AXL: variants seen among roughly 807,000 people sequenced by gnomAD.
AXL encodes the protein AXL receptor tyrosine kinase.
A neutral mutation model predicts 104.5 loss-of-function variants in AXL; 52 were observed. The observed-to-expected ratio is 0.50, with a 90% confidence interval of 0.40 to 0.63. The LOEUF (loss-of-function observed/expected upper bound fraction) is 0.63. Among genes scored for constraint, AXL ranks in the 20% least tolerant of loss-of-function variants. The probability of loss-of-function intolerance (pLI) is 0.00; values close to 1 mark genes in which losing one functional copy is unlikely to be tolerated. For missense variants in AXL, 1,024 were observed against 1,188.5 expected, an observed-to-expected ratio of 0.86 and a Z score of 2.04; for synonymous variants, 455 against 473.7, an observed-to-expected ratio of 0.96 and a Z score of 0.51.
chr19:41,228,386 C>A (rs1352992842), intron 4 of AXL, among the ~76,000 whole-genome samples: 3 of 152,024 alleles, frequency 2.0e-5, no homozygotes, highest in African/African-American at 7.3e-5. Flanking sequence ...AACCCTATCT[C>A]TACTAAAAAT....
At chr19:41,243,362 G>A (rs2034216325) in intron 11 of AXL, among the ~76,000 whole-genome samples, 1 of 152,194 alleles carries the variant, frequency 6.6e-6, no homozygotes, top group Non-Finnish European at 1.5e-5. Flanking sequence ...GGAGGCTACA[G>A]TGAGCTGAGA....
chr19:41,235,424 T>C (rs1025013390), intron 6 of AXL, among the ~76,000 whole-genome samples: 2 of 151,510 alleles, frequency 1.3e-5, no homozygotes, highest in African/African-American at 4.9e-5. Flanking sequence ...TAAATGACAG[T>C]ATGCACAAGC....
intron 6 of AXL, among the ~76,000 whole-genome samples, chr19:41,236,375 G>A (rs956935425): frequency 8.1e-5 from 12 of 148,720 alleles, no homozygotes; most frequent in Middle Eastern, 3.6e-3. Context: ...GGTTGCTCAC[G>A]CCTGTAATCC....
At chr19:41,252,774 G>A in intron 15 of AXL, 72 bp from the exon 16 acceptor site, 1 of 1,601,658 alleles carries the variant, frequency 6.2e-7, no homozygotes, top group Non-Finnish European at 8.5e-7. Context: ...GGAGAGGCTG[G>A]AGGCTGGCTG....
At chr19:41,244,399 A>C (rs1020729604) in intron 12 of AXL, among the ~76,000 whole-genome samples, 4 of 152,136 alleles carry the variant, frequency 2.6e-5, no homozygotes, top group Non-Finnish European at 5.9e-5. Flanking sequence ...CCTATGTGGC[A>C]GGCTCTGTTC....
rs368373327 is a variant in AXL, at chr19:41,248,740, C to T, written c.1634-3C>T. ...GTCAGTGTCTCCCTCTGGCCCCCCA[C>T]AGGAGAGTTTGGAGCTGTGATGGAA... On this transcript the variant is annotated splice_region_variant and splice_polypyrimidine_tract_variant and intron_variant, in intron 13 of 19. Transcript: ENST00000301178. 6.2e-7 allele frequency: 1 copy of T among 1,614,022 alleles called. No homozygotes were observed. Among genetic ancestry groups the T allele is most frequent in the African/African-American group, 1.3e-5 (1 of 74,922 alleles).
intron 12 of AXL, among the ~76,000 whole-genome samples, chr19:41,245,548 C>A (rs1330500012): frequency 1.3e-5 from 2 of 152,054 alleles, no homozygotes; most frequent in Admixed American, 1.3e-4. Context: ...CATGGCGAGA[C>A]CCTGTCTCTA....
chr19:41,257,942 T>C (rs1258842934), intron 19 of AXL, among the ~76,000 whole-genome samples: 1 of 152,234 alleles, frequency 6.6e-6, no homozygotes, highest in East Asian at 1.9e-4. Flanking sequence ...CTTTGGGACA[T>C]GCACTCCCAG....
In AXL at chr19:41,227,708, T is replaced by C. The variant is rs567138594; in HGVS notation, c.587-3259T>C. 3.3e-5 allele frequency among the ~76,000 whole-genome samples: 5 copies of C among 152,152 alleles called. No individual in the cohort carries two copies. In the South Asian group the frequency reaches 1.0e-3, roughly 32 times the overall value. On this transcript the variant is annotated intron_variant, in intron 4 of 19. Coordinates refer to ENST00000301178, the MANE Select transcript of AXL (RefSeq NM_021913.5). ...TTCACTGTGTTGCCCAGGCTTGTCTTAAACTCCTAATCTCAAGTGATCCAC... is the reference window on the plus strand; with the variant it reads ...TTCACTGTGTTGCCCAGGCTTGTCTCAAACTCCTAATCTCAAGTGATCCAC...
chr19:41,259,700 T>G lies in AXL; in HGVS notation c.2481T>G (p.Gly827=). 6.2e-7 allele frequency: 1 copy of G among 1,613,932 alleles called. No individual in the cohort carries two copies. The highest frequency in any genetic ancestry group is 1.1e-5 in the South Asian group (1 of 91,060). ...TCCTCTATGTCAACATGGATGAGGG[T>G]GGAGGTTATCCTGAACCCCCTGGAG... is the stretch of plus-strand genomic sequence containing the variant. The part of the protein sequence containing the change: ...DEILYVNMDE[G]GGYPEPPGAA... The change falls in exon 20 of 20, where the codon GGT becomes GGG. Residue 827 remains glycine (G), a synonymous_variant. Transcript: ENST00000301178.
rs1443787024 is a variant in AXL, at chr19:41,260,827, A to G, written c.*923A>G. The G allele has an allele frequency of 6.6e-6, 1 of 152,124 alleles. No individual in the cohort carries two copies. Among genetic ancestry groups the G allele is most frequent in the African/African-American group, 2.4e-5 (1 of 41,420 alleles). 9.4% of individuals were successfully genotyped at this position (152,124 alleles called of 1,614,324 possible). On this transcript the variant is annotated 3_prime_UTR_variant, in exon 20 of 20. Transcript: ENST00000301178. ...AAAGATTCTATAGTTCTAGACATGG[A>G]GGTTCTAAGGCCTAGGATTCTAAAA...
At chr19:41,256,175 T>C (rs550986551) in intron 17 of AXL, among the ~76,000 whole-genome samples, 55 of 152,136 alleles carry the variant, frequency 3.6e-4, no homozygotes, top group Non-Finnish European at 6.2e-4. Flanking sequence ...AAAAAAAAAT[T>C]TCATCAAGGA....
At position 41,243,657 on chromosome 19, in the gene AXL, T is replaced by G; in HGVS notation, c.1487T>G (p.Val496Gly). 1.2e-6 allele frequency: 2 copies of G among 1,614,082 alleles called. No individual in the cohort carries two copies. Among genetic ancestry groups the G allele is most frequent in the Non-Finnish European group, 1.7e-6 (2 of 1,180,020 alleles). The change falls in exon 12 of 20, where the codon GTC becomes GGC. Residue 496 changes from valine (V) to glycine (G), a missense_variant. This residue lies in a region of AXL where 523 missense variants were observed against 636.0 expected (regional missense o/e 0.82). Transcript: ENST00000301178. ...EPTVERGELV[V>G]RYRVRKSYSR... is the part of the protein sequence containing the mutation. Reference sequence around the variant, plus strand: ...ACAGTGGAAAGAGGTGAACTGGTAGTCAGGTACCGCGTGCGCAAGTCCTAC... The same window carrying G: ...ACAGTGGAAAGAGGTGAACTGGTAGGCAGGTACCGCGTGCGCAAGTCCTAC...
At chr19:41,249,868 C>T (rs995790839) in intron 14 of AXL, among the ~76,000 whole-genome samples, 12 of 152,140 alleles carry the variant, frequency 7.9e-5, no homozygotes, top group South Asian at 2.1e-4. Flanking sequence ...CCTTTCTCCC[C>T]GCTACCTGCC....
chr19:41,256,342 G>A (rs893449409), intron 17 of AXL, 110 bp from the exon 18 acceptor site: 53 of 1,311,476 alleles, frequency 4.0e-5, no homozygotes, highest in Non-Finnish European at 5.1e-5. Context: ...ATCCCCACCC[G>A]CAGCCAGGAC....
chr19:41,230,470 G>A (rs963698779), intron 4 of AXL, among the ~76,000 whole-genome samples: 2 of 150,190 alleles, frequency 1.3e-5, no homozygotes, highest in South Asian at 2.1e-4. Context: ...GTGTGTTTGT[G>A]TATGTGTGTT....
intron 6 of AXL, among the ~76,000 whole-genome samples, chr19:41,232,448 C>T (rs1277318291): frequency 6.6e-6 from 1 of 151,966 alleles, no homozygotes; most frequent in Admixed American, 6.6e-5. Flanking sequence ...ATGGTGAAAC[C>T]CCATTTCTAC....
At chr19:41,244,511 G>A (rs199835326) in intron 12 of AXL, among the ~76,000 whole-genome samples, 8 of 149,142 alleles carry the variant, frequency 5.4e-5, no homozygotes, top group East Asian at 4.0e-4. Flanking sequence ...ACAGAGTCTC[G>A]CTCTGTTGCC....
At chr19:41,250,907 C>T (rs1343717420) in intron 14 of AXL, among the ~76,000 whole-genome samples, 1 of 152,184 alleles carries the variant, frequency 6.6e-6, no homozygotes, top group Non-Finnish European at 1.5e-5. Context: ...AGCCGTGCAA[C>T]CTTGGGCAAG....
Sources: allele counts gnomAD v4.1 joint callset (sites outside exome capture counted in the v4.1 genomes callset), GRCh38; gene constraint gnomAD v4.1.1; regional missense constraint gnomAD v4.1.1; transcripts MANE v1.5; gene names NCBI Gene and HGNC (gene_info 2026-07-23, HGNC 2026-07-21).